NACC2: variants seen among roughly 807,000 people sequenced by gnomAD.
The protein encoded by NACC2 is NACC family member 2.
NACC2 carries 8 observed loss-of-function variants against 25.1 expected under a neutral mutation model. That is an observed-to-expected ratio of 0.32 (90% CI 0.19 to 0.57). The LOEUF (loss-of-function observed/expected upper bound fraction) is 0.57. Among genes scored for constraint, NACC2 ranks in the 20% least tolerant of loss-of-function variants. The pLI, the probability that NACC2 is intolerant of heterozygous loss-of-function variation, is 0.89. For missense variants in NACC2, 644 were observed against 650.2 expected (o/e 0.99, Z 0.10); for synonymous variants, 435 against 294.7 (o/e 1.48, Z -4.88).
chr9:136,080,402 G>A (rs576627261), intron 1 of NACC2, among the ~76,000 whole-genome samples: 171 of 152,272 alleles, frequency 1.1e-3, no homozygotes, highest in African/African-American at 3.8e-3. Context: ...TATTAAAAAC[G>A]TCTCTATTAA....
In NACC2 at chr9:136,016,325, G is replaced by A. The variant is rs867025179; in HGVS notation, c.991C>T (p.Arg331Cys). Reference protein sequence around the residue: ...PASLISQIGYRCHPKLYSEGD... With the variant: ...PASLISQIGYCCHPKLYSEGD... ...TCCGAGTAGAGCTTGGGATGGCAGCGGTATCCGATCTGGCTGATGAGGCTG... is the reference window on the plus strand; with the variant it reads ...TCCGAGTAGAGCTTGGGATGGCAGCAGTATCCGATCTGGCTGATGAGGCTG... Residue 331 changes from arginine to cysteine, a missense_variant, in exon 3 of 6, where the codon CGC (arginine) becomes TGC (cysteine). Coordinates refer to ENST00000277554, the MANE Select transcript of NACC2 (RefSeq NM_144653.5). The A allele has an allele frequency of 9.3e-6, 15 of 1,612,544 alleles. No individual in the cohort carries two copies. Among genetic ancestry groups the A allele is most frequent in the South Asian group, 3.3e-5 (3 of 91,052 alleles).
chr9:136,080,545 G>C (rs1830310356), intron 1 of NACC2, among the ~76,000 whole-genome samples: 1 of 151,996 alleles, frequency 6.6e-6, no homozygotes, highest in African/African-American at 2.4e-5. Context: ...CTCCAGCCTG[G>C]GTAACAACAG....
At position 136,007,774 on chromosome 9, in the gene NACC2, A is replaced by G. The variant is rs1278657266; in HGVS notation, c.*3742T>C. On this transcript the variant is annotated 3_prime_UTR_variant, in exon 6 of 6. Coordinates refer to ENST00000277554, the MANE Select transcript of NACC2 (RefSeq NM_144653.5). Reference sequence around the variant, plus strand: ...ATAGATCTTTTTCCACTTGCTGCCAAGATGTTTCCATAAAAATTTCCCTTT... The same window carrying G: ...ATAGATCTTTTTCCACTTGCTGCCAGGATGTTTCCATAAAAATTTCCCTTT... The G allele has an allele frequency of 1.3e-5, 2 of 152,246 alleles. No individual in the cohort carries two copies. The highest frequency in any genetic ancestry group is 4.8e-5 in the African/African-American group (2 of 41,428). 9.4% of individuals were successfully genotyped at this position (152,246 alleles called of 1,614,324 possible). A position where few individuals can be genotyped will look rare whatever the true frequency, so the allele number is the denominator to read the frequency against.
intron 1 of NACC2, among the ~76,000 whole-genome samples, chr9:136,091,424 G>A (rs1294268634): frequency 1.3e-5 from 2 of 152,214 alleles, no homozygotes; most frequent in Admixed American, 1.3e-4. Context: ...TGAGGACCCA[G>A]GCCCAGCAAG....
intron 2 of NACC2, among the ~76,000 whole-genome samples, chr9:136,035,948 A>G (rs1324291792): frequency 1.3e-5 from 2 of 152,228 alleles, no homozygotes; most frequent in African/African-American, 2.4e-5. Context: ...AACATAGAAC[A>G]TCATCATGAT....
At chr9:136,039,147 T>C (rs1158941260) in intron 2 of NACC2, among the ~76,000 whole-genome samples, 1 of 152,082 alleles carries the variant, frequency 6.6e-6, no homozygotes, top group African/African-American at 2.4e-5. Flanking sequence ...ACCACACAAA[T>C]ACTAAATATA....
At chr9:136,076,611 G>C (rs1207459514) in intron 1 of NACC2, among the ~76,000 whole-genome samples, 1 of 152,176 alleles carries the variant, frequency 6.6e-6, no homozygotes, top group African/African-American at 2.4e-5. Flanking sequence ...GCAAACAGAG[G>C]TGAGGGTTGA....
Position 136,011,383 on chromosome 9 carries a change from A to G in NACC2, c.*133T>C. ...TCCTTCATCAATTTTAAATACAAGCAGAATAAAAATCACATTTTTCTCAGG... is the reference window on the plus strand; with the variant it reads ...TCCTTCATCAATTTTAAATACAAGCGGAATAAAAATCACATTTTTCTCAGG... On this transcript the variant is annotated 3_prime_UTR_variant, in exon 6 of 6. Transcript: ENST00000277554. 2 of 1,005,276 alleles carry G rather than the reference A, an allele frequency of 2.0e-6. No homozygotes were observed. The highest frequency in any genetic ancestry group is 3.7e-4 in the Middle Eastern group (1 of 2,668). 62.3% of individuals were successfully genotyped at this position (1,005,276 alleles called of 1,614,324 possible).
At chr9:136,089,855 A>G (rs1464008806) in intron 1 of NACC2, among the ~76,000 whole-genome samples, 1 of 152,012 alleles carries the variant, frequency 6.6e-6, no homozygotes, top group Non-Finnish European at 1.5e-5. Flanking sequence ...AAGAATAGCC[A>G]AAGTTAATGG....
intron 1 of NACC2, among the ~76,000 whole-genome samples, chr9:136,083,357 T>C (rs1456853431): frequency 2.8e-5 from 4 of 142,716 alleles, no homozygotes; most frequent in Non-Finnish European, 6.3e-5. Context: ...CCAGGCTGGG[T>C]TGGGGGGGAG....
intron 1 of NACC2, among the ~76,000 whole-genome samples, chr9:136,091,141 C>T (rs1311940321): frequency 1.3e-5 from 2 of 152,188 alleles, no homozygotes; most frequent in African/African-American, 2.4e-5. Context: ...CCGGGAGACT[C>T]CATGGCGGCC....
intron 1 of NACC2, among the ~76,000 whole-genome samples, chr9:136,051,694 C>A (rs1840841574): frequency 6.6e-6 from 1 of 152,102 alleles, no homozygotes; most frequent in African/African-American, 2.4e-5. Flanking sequence ...GCAGTGCCCC[C>A]GCTGCGGAGA....
intron 1 of NACC2, among the ~76,000 whole-genome samples, chr9:136,062,167 CAGGACAGGAA>C (rs1238066610): frequency 1.8e-4 from 20 of 109,412 alleles, no homozygotes; most frequent in Admixed American, 2.9e-4. Flanking sequence ...CAGGACAGGA[CAGGACAGGAA>C]AGGAAAGAGA....
intron 1 of NACC2, among the ~76,000 whole-genome samples, chr9:136,064,877 G>A (rs905159589): frequency 5.3e-5 from 8 of 152,100 alleles, no homozygotes; most frequent in Non-Finnish European, 1.2e-4. Flanking sequence ...TAGATCAATG[G>A]AACAGATGAG....
At chr9:136,085,137 A>ATAT (rs1830364821) in intron 1 of NACC2, among the ~76,000 whole-genome samples, 2 of 82,770 alleles carry the variant, frequency 2.4e-5, no homozygotes, top group Non-Finnish European at 2.3e-5. Flanking sequence ...CATTTCTACA[A>ATAT]TTTTTTTTTT....
chr9:136,068,380 T>A (rs567125163), intron 1 of NACC2, among the ~76,000 whole-genome samples: 1 of 149,588 alleles, frequency 6.7e-6, no homozygotes, highest in Admixed American at 6.7e-5. Flanking sequence ...GTGCCTGTAA[T>A]CCCAGCTACA....
intron 2 of NACC2, among the ~76,000 whole-genome samples, chr9:136,046,353 C>T (rs1279831628): frequency 2.0e-5 from 3 of 152,188 alleles, no homozygotes; most frequent in African/African-American, 4.8e-5. Context: ...CCGGTGGATA[C>T]GATGTTTTTC....
intron 1 of NACC2, among the ~76,000 whole-genome samples, chr9:136,074,452 C>A (rs1436992725): frequency 1.8e-5 from 1 of 54,310 alleles, no homozygotes; most frequent in African/African-American, 5.8e-5. Flanking sequence ...GACTCCGTCT[C>A]AAAAAAAAAA....
intron 2 of NACC2, among the ~76,000 whole-genome samples, chr9:136,031,461 C>T (rs1460717218): frequency 6.6e-6 from 1 of 152,142 alleles, no homozygotes; most frequent in African/African-American, 2.4e-5. Context: ...CTTCAGCCTC[C>T]CGAGCAGCTG....
Sources: allele counts gnomAD v4.1 joint callset (sites outside exome capture counted in the v4.1 genomes callset), GRCh38; gene constraint gnomAD v4.1.1; transcripts MANE v1.5; gene names NCBI Gene and HGNC (gene_info 2026-07-23, HGNC 2026-07-21).